Variants in CDC42 observed in about 807,000 individuals in gnomAD.
CDC42 encodes the protein cell division control protein 42 homolog.
Under a neutral mutation model 20.8 loss-of-function variants are expected in CDC42, and 1 was observed. That is an observed-to-expected ratio of 0.05 (90% CI 0.02 to 0.23). CDC42 has a LOEUF of 0.23. CDC42 is among the 10% of genes least tolerant of loss of function. The pLI is 1.00. For synonymous variants in CDC42, 72 were observed against 84.8 expected, an observed-to-expected ratio of 0.85 and a Z score of 0.83; for missense variants, 49 against 227.9, an observed-to-expected ratio of 0.21 and a Z score of 5.05.
Position 22,097,711 on chromosome 1 carries a change from C to G in CDC42, c.*6194C>G, listed in dbSNP as rs1485801422. Among the ~76,000 whole-genome samples, 1 of 152,236 alleles carries G rather than the reference C, an allele frequency of 6.6e-6. No individual in the cohort carries two copies. The highest frequency in any genetic ancestry group is 1.5e-5 in the Non-Finnish European group (1 of 68,042). On this transcript the variant is annotated 3_prime_UTR_variant, in exon 6 of 6. Transcript: ENST00000656825. Reference sequence around the variant, plus strand: ...GGGTAAACTTCTGTGAAGTTAGACACTTGCCTCTTAGAGGCATATCCAGTG... The same window carrying G: ...GGGTAAACTTCTGTGAAGTTAGACAGTTGCCTCTTAGAGGCATATCCAGTG...
At chr1:22,053,155 C>T (rs16860629) in intron 1 of CDC42, 7,317 of 151,208 alleles carry the variant, frequency 0.048, 291 homozygotes, top group East Asian at 0.18. Flanking sequence ...GGCGCTTGGG[C>T]CGGGCCGGGC....
At chr1:22,069,255 A>G (rs1170021085) in intron 1 of CDC42, among the ~76,000 whole-genome samples, 1 of 140,230 alleles carries the variant, frequency 7.1e-6, no homozygotes, top group African/African-American at 2.7e-5. Flanking sequence ...GGCTCATTGC[A>G]ACCTCTGCCT....
chr1:22,059,567 A>G (rs1487688986), intron 1 of CDC42: 1 of 14,592 alleles, frequency 6.9e-5, no homozygotes, highest in Non-Finnish European at 1.1e-4. Flanking sequence ...CTTTTTTTTG[A>G]GAATTCTCGC....
At chr1:22,070,690 T>G (rs1412433693) in intron 1 of CDC42, among the ~76,000 whole-genome samples, 1 of 151,936 alleles carries the variant, frequency 6.6e-6, no homozygotes, top group African/African-American at 2.4e-5. Context: ...GGTCTTGATC[T>G]CTTGACCTCG....
At chr1:22,073,026 G>A (rs556188913) in intron 1 of CDC42, among the ~76,000 whole-genome samples, 42 of 152,226 alleles carry the variant, frequency 2.8e-4, no homozygotes, top group African/African-American at 1.0e-3. Context: ...CATGGGGCAC[G>A]GGAAAATAGG....
intron 1 of CDC42, among the ~76,000 whole-genome samples, chr1:22,065,823 A>G (rs1172954345): frequency 3.3e-5 from 5 of 152,028 alleles, no homozygotes; most frequent in Admixed American, 6.6e-5. Flanking sequence ...GTGCAGTGGC[A>G]TGATCTCAGC....
At chr1:22,073,633 A>G (rs1424132301) in intron 1 of CDC42, among the ~76,000 whole-genome samples, 2 of 152,152 alleles carry the variant, frequency 1.3e-5, no homozygotes, top group Non-Finnish European at 2.9e-5. Context: ...CTTATTTCAC[A>G]ATTTTATTTC....
Position 22,094,293 on chromosome 1 carries a change from G to GTTTTTTTTTTT in CDC42, c.*2776_*2777insTTTTTTTTTTT, listed in dbSNP as rs1557910832. On this transcript the variant is annotated 3_prime_UTR_variant, in exon 6 of 6. Transcript: ENST00000656825. ...TGTTTTACTGAACATCCTAGAAATA[G>GTTTTTTTTTTT]ATTTTTTTTTTTTTTTTTTTTTGAG... 3.6e-5 allele frequency among the ~76,000 whole-genome samples: 1 copy of GTTTTTTTTTTT among 27,706 alleles called. No homozygotes were observed. Among genetic ancestry groups the GTTTTTTTTTTT allele is most frequent in the African/African-American group, 2.2e-4 (1 of 4,448 alleles). The allele number at this position is 27,706 out of a possible 152,430, so 18.2% of individuals were successfully genotyped here.
At chr1:22,068,044 T>C (rs1160411384) in intron 1 of CDC42, among the ~76,000 whole-genome samples, 1 of 152,002 alleles carries the variant, frequency 6.6e-6, no homozygotes, top group Non-Finnish European at 1.5e-5. Context: ...ATTGAGCCAC[T>C]CCACTCTGGC....
At chr1:22,074,492 CTT>C (rs764026091) in intron 1 of CDC42, among the ~76,000 whole-genome samples, 5 of 152,122 alleles carry the variant, frequency 3.3e-5, no homozygotes, top group African/African-American at 4.8e-5. Context: ...ACATGTCTGA[CTT>C]ATATATATTG....
rs1056835707 is a variant in CDC42 at position 22,093,543 on chromosome 1, C to T, written c.*2026C>T. On this transcript the variant is annotated 3_prime_UTR_variant, in exon 6 of 6. Transcript: ENST00000656825. Reference sequence around the variant, plus strand: ...GCATGAGAATCTTAGAAACTAAGAACCCTTAAAATCAGTTAAGGTTGGTAC... The same window carrying T: ...GCATGAGAATCTTAGAAACTAAGAATCCTTAAAATCAGTTAAGGTTGGTAC... Among the ~76,000 whole-genome samples, 1 of 152,128 alleles carries T rather than the reference C, an allele frequency of 6.6e-6. No homozygotes were observed. Among genetic ancestry groups the T allele is most frequent in the African/African-American group, 2.4e-5 (1 of 41,428 alleles).
intron 3 of CDC42, among the ~76,000 whole-genome samples, chr1:22,085,726 G>T (rs16826528): frequency 1.3e-5 from 2 of 152,116 alleles, no homozygotes; most frequent in Non-Finnish European, 2.9e-5. Context: ...TTCAGATACC[G>T]GTCTTATATA....
At position 22,095,210 on chromosome 1, in the gene CDC42, G is replaced by T. The variant is rs1645748432; in HGVS notation, c.*3693G>T. 6.6e-6 allele frequency among the ~76,000 whole-genome samples: 1 copy of T among 152,146 alleles called. No individual in the cohort carries two copies. Among genetic ancestry groups the T allele is most frequent in the South Asian group, 2.1e-4 (1 of 4,820 alleles). ...CTTACTCTGTATCTACCCGACTTCA[G>T]ATCATGGTGATTTAATTACATGGCC... is the stretch of plus-strand genomic sequence containing the variant. On this transcript the variant is annotated 3_prime_UTR_variant, in exon 6 of 6. Coordinates refer to ENST00000656825, the MANE Select transcript of CDC42 (RefSeq NM_001791.4).
At chr1:22,087,845 T>C (rs1279770790) in intron 5 of CDC42, among the ~76,000 whole-genome samples, 2 of 152,226 alleles carry the variant, frequency 1.3e-5, no homozygotes, top group African/African-American at 2.4e-5. Flanking sequence ...GTAAATGGCA[T>C]ATATGATTAC....
rs772905486 is a variant in CDC42, at chr1:22,096,389, C to G, written c.*4872C>G. Among the ~76,000 whole-genome samples, 7 of 152,188 alleles carry G rather than the reference C, an allele frequency of 4.6e-5. No homozygotes were observed. Among genetic ancestry groups the G allele is most frequent in the Non-Finnish European group, 8.8e-5 (6 of 68,026 alleles). ...TCTACTTGGAATTTTCTTTCCCTTA[C>G]AGTTTTGATAGCTGCTTTCTCTTGA... On this transcript the variant is annotated 3_prime_UTR_variant, in exon 6 of 6. Transcript: ENST00000656825.
At chr1:22,090,250 T>C in intron 5 of CDC42, 1 of 1,230,424 alleles carries the variant, frequency 8.1e-7, no homozygotes, top group Non-Finnish European at 1.0e-6. Context: ...AACGTTCTGC[T>C]GCTTGAGTTG....
At chr1:22,088,257 T>C (rs1397141304) in intron 5 of CDC42, among the ~76,000 whole-genome samples, 1 of 152,242 alleles carries the variant, frequency 6.6e-6, no homozygotes, top group Non-Finnish European at 1.5e-5. Flanking sequence ...TAATTCTGTG[T>C]GCTTCTGATG....
rs1384867971 is a variant in CDC42 at position 22,054,855 on chromosome 1, CTT to C, written c.-51+2115_-51+2116del. 1.4e-4 allele frequency among the ~76,000 whole-genome samples: 17 copies of C among 118,438 alleles called. 1 individual carries two copies. The allele number at this position is 118,438 out of a possible 152,430, so 77.7% of individuals were successfully genotyped here. On this transcript the variant is annotated intron_variant, in intron 1 of 5. Transcript: ENST00000656825. ...AATTTTAAATAATATCAATTTGTAT[CTT>C]TCCTTTTAGAAAGTAACAGTAGTTT...
At chr1:22,076,432 TACACACAC>T (rs369972777) in intron 1 of CDC42, among the ~76,000 whole-genome samples, 2 of 149,468 alleles carry the variant, frequency 1.3e-5, no homozygotes, top group Non-Finnish European at 3.0e-5. Flanking sequence ...CACTGACACA[TACACACAC>T]ACACACACAC....
Sources: allele counts gnomAD v4.1 joint callset (sites outside exome capture counted in the v4.1 genomes callset), GRCh38; gene constraint gnomAD v4.1.1; transcripts MANE v1.5; gene names NCBI Gene and HGNC (gene_info 2026-07-23, HGNC 2026-07-21).